CSMD1: variants seen among roughly 807,000 people sequenced by gnomAD.
The protein encoded by CSMD1 is CUB and sushi domain-containing protein 1.
CSMD1 carries 213 observed loss-of-function variants against 417.5 expected under a neutral mutation model. The ratio of observed to expected loss-of-function variants is 0.51; its 90% CI spans 0.46 to 0.57. The LOEUF (loss-of-function observed/expected upper bound fraction) is 0.57, where lower values mean the gene tolerates loss of function less well. CSMD1 is among the 20% of genes least tolerant of loss of function. CSMD1 has a pLI of 0.00. For missense variants in CSMD1, 6,923 were observed against 4,529.7 expected, an observed-to-expected ratio of 1.53 and a Z score of -15.17; for synonymous variants, 2,862 against 1,736.8, an observed-to-expected ratio of 1.65 and a Z score of -16.11.
intron 55 of CSMD1, among the ~76,000 whole-genome samples, chr8:2,976,593 C>A (rs562460907): frequency 6.6e-6 from 1 of 152,300 alleles, no homozygotes; most frequent in South Asian, 2.1e-4. Flanking sequence ...AAGAGATCCA[C>A]CTTCCCTGGC....
At chr8:4,636,957 C>T (rs921791962) in intron 2 of CSMD1, among the ~76,000 whole-genome samples, 5 of 152,108 alleles carry the variant, frequency 3.3e-5, no homozygotes, top group African/African-American at 9.7e-5. Flanking sequence ...ATAAAACACA[C>T]CAATCAGCAG....
intron 54 of CSMD1, among the ~76,000 whole-genome samples, chr8:2,993,235 A>T (rs1806559147): frequency 6.6e-6 from 1 of 152,236 alleles, no homozygotes; most frequent in Non-Finnish European, 1.5e-5. Context: ...TAGTTAGTGA[A>T]GTCCTTTTAA....
intron 41 of CSMD1, among the ~76,000 whole-genome samples, chr8:3,121,247 C>T (rs1356014862): frequency 1.3e-5 from 2 of 152,250 alleles, no homozygotes; most frequent in South Asian, 2.1e-4. Context: ...TAAGCCCTGA[C>T]TATAGTCAGC....
chr8:3,668,711 G>A (rs966806805), intron 7 of CSMD1, among the ~76,000 whole-genome samples: 1 of 152,130 alleles, frequency 6.6e-6, no homozygotes, highest in East Asian at 1.9e-4. Context: ...ACACAGAGAT[G>A]GATGAGTTGG....
At chr8:2,962,224 G>T (rs1268696027) in intron 61 of CSMD1, among the ~76,000 whole-genome samples, 1 of 152,180 alleles carries the variant, frequency 6.6e-6, no homozygotes. Flanking sequence ...ACTGAGGTCA[G>T]AGAACAAAGT....
rs3214964 is a variant in CSMD1 at position 2,937,890 on chromosome 8, AT to A, written c.*694del. On this transcript the variant is annotated 3_prime_UTR_variant, in exon 70 of 70. Coordinates refer to ENST00000635120, the MANE Select transcript of CSMD1 (RefSeq NM_033225.6). ...TGTATAAACCCTGTGTAAATAATTT[AT>A]TTTTTTTATCAGAATCTTAGTCATT... 47,302 of 152,386 alleles carry A rather than the reference AT, an allele frequency of 0.31. 7,738 individuals are homozygous for A. Among genetic ancestry groups the A allele is most frequent in the East Asian group, 0.61 (3,151 of 5,146 alleles). The allele number at this position is 152,386 out of a possible 1,614,324, so 9.4% of individuals were successfully genotyped here. A position where few individuals can be genotyped will look rare whatever the true frequency, so the allele number is the denominator to read the frequency against.
chr8:4,764,150 G>A (rs1004868744), intron 1 of CSMD1, among the ~76,000 whole-genome samples: 15 of 152,082 alleles, frequency 9.9e-5, no homozygotes, highest in African/African-American at 3.4e-4. Flanking sequence ...TGTTTTTCTT[G>A]CTTTCTCTAA....
chr8:3,929,313 T>C (rs914836241), intron 5 of CSMD1, among the ~76,000 whole-genome samples: 1 of 150,564 alleles, frequency 6.6e-6, no homozygotes, highest in Non-Finnish European at 1.5e-5. Context: ...AATTAAAAAC[T>C]CATCTTCCAG....
At chr8:4,828,274 T>C (rs948374044) in intron 1 of CSMD1, among the ~76,000 whole-genome samples, 3 of 152,220 alleles carry the variant, frequency 2.0e-5, no homozygotes, top group Non-Finnish European at 2.9e-5. Flanking sequence ...TTAGTACTTT[T>C]GTTACCTTCA....
At chr8:4,081,445 G>A (rs1010585852) in intron 3 of CSMD1, among the ~76,000 whole-genome samples, 2 of 151,914 alleles carry the variant, frequency 1.3e-5, no homozygotes, top group Non-Finnish European at 2.9e-5. Flanking sequence ...CACCTTCTGG[G>A]GACTCCAGCC....
At chr8:4,592,150 C>G (rs1468722319) in intron 2 of CSMD1, among the ~76,000 whole-genome samples, 2 of 151,542 alleles carry the variant, frequency 1.3e-5, no homozygotes, top group Admixed American at 6.6e-5. Flanking sequence ...TAACATTTGC[C>G]AATTTCTGTG....
chr8:4,619,545 A>C (rs1206684219), intron 2 of CSMD1, among the ~76,000 whole-genome samples: 1 of 152,128 alleles, frequency 6.6e-6, no homozygotes, highest in African/African-American at 2.4e-5. Context: ...CTAAGCTCTA[A>C]TGCATCTTGC....
At chr8:4,199,514 T>C (rs547383418) in intron 3 of CSMD1, among the ~76,000 whole-genome samples, 3 of 152,304 alleles carry the variant, frequency 2.0e-5, no homozygotes, top group African/African-American at 2.4e-5. Flanking sequence ...TCAATTTTCA[T>C]TTAAATATAA....
chr8:3,211,795 G>A (rs1160766640), intron 30 of CSMD1, among the ~76,000 whole-genome samples: 1 of 152,228 alleles, frequency 6.6e-6, no homozygotes, highest in African/African-American at 2.4e-5. Flanking sequence ...CAAGACCTTG[G>A]ACAGCAGCTC....
chr8:3,115,263 G>A lies in CSMD1; in HGVS notation c.6430+3136C>T, dbSNP rs572585070. Among the ~76,000 whole-genome samples, 305 of 139,308 alleles carry A rather than the reference G, an allele frequency of 2.2e-3. 1 individual carries two copies. Among genetic ancestry groups the A allele is most frequent in the Non-Finnish European group, 3.6e-3 (241 of 66,138 alleles). 91.4% of individuals were successfully genotyped at this position (139,308 alleles called of 152,430 possible). ...GTCACCCAGGCTGGAGTGCAATGGC[G>A]CTATCTTGGCTCACTGCAACCTCCG... On this transcript the variant is annotated intron_variant, in intron 42 of 69. Coordinates refer to ENST00000635120, the MANE Select transcript of CSMD1 (RefSeq NM_033225.6).
chr8:4,536,067 T>C (rs149347416), intron 2 of CSMD1, among the ~76,000 whole-genome samples: 4 of 152,340 alleles, frequency 2.6e-5, no homozygotes, highest in East Asian at 1.9e-4. Context: ...AGTGTTTTCA[T>C]AGGGCGTGCC....
intron 3 of CSMD1, among the ~76,000 whole-genome samples, chr8:4,370,558 C>T (rs1264350555): frequency 6.6e-6 from 1 of 152,192 alleles, no homozygotes; most frequent in Non-Finnish European, 1.5e-5. Flanking sequence ...CTCTCTTTCT[C>T]TTGCTGGAAT....
At chr8:4,609,649 C>T (rs745430367) in intron 2 of CSMD1, among the ~76,000 whole-genome samples, 1 of 152,092 alleles carries the variant, frequency 6.6e-6, no homozygotes, top group Non-Finnish European at 1.5e-5. Flanking sequence ...TCTTAATAGG[C>T]CAGTGACTTC....
At chr8:4,888,047 T>C (rs1803868996) in intron 1 of CSMD1, among the ~76,000 whole-genome samples, 1 of 152,068 alleles carries the variant, frequency 6.6e-6, no homozygotes, top group African/African-American at 2.4e-5. Flanking sequence ...ATGCCACTTC[T>C]AGGAATTTAC....
Sources: allele counts gnomAD v4.1 joint callset (sites outside exome capture counted in the v4.1 genomes callset), GRCh38; gene constraint gnomAD v4.1.1; transcripts MANE v1.5; gene names NCBI Gene and HGNC (gene_info 2026-07-23, HGNC 2026-07-21).